MED27: variants seen among roughly 807,000 people sequenced by gnomAD.
MED27 encodes mediator complex subunit 27, also known as mediator of RNA polymerase II transcription subunit 27.
In MED27, 30 loss-of-function variants were observed where a neutral mutation model predicts 38.2. The ratio of observed to expected loss-of-function variants is 0.79; its 90% CI spans 0.59 to 1.07. The LOEUF (loss-of-function observed/expected upper bound fraction) is 1.07, where lower values mean the gene tolerates loss of function less well. Among genes scored for constraint, MED27 ranks in the 50% least tolerant of loss-of-function variants. The pLI, the probability that MED27 is intolerant of heterozygous loss-of-function variation, is 0.00. For synonymous variants in MED27, 122 were observed against 153.5 expected (o/e 0.79, Z 1.52); for missense variants, 289 against 397.5 (o/e 0.73, Z 2.32).
chr9:131,860,333 G>T lies in MED27; in HGVS notation c.*205C>A. 3.8e-6 allele frequency: 2 copies of T among 522,614 alleles called. No individual in the cohort carries two copies. Among genetic ancestry groups the T allele is most frequent in the Non-Finnish European group, 6.3e-6 (2 of 317,738 alleles). The allele number at this position is 522,614 out of a possible 1,614,324, so 32.4% of individuals were successfully genotyped here. On this transcript the variant is annotated 3_prime_UTR_variant, in exon 8 of 8. Transcript: ENST00000292035. This position sits in a 1 kb window ranked among gnomAD's most constrained non-coding sequence, Gnocchi z 5.8. ...GAAAGGTCTTCTTTGCCTTCAGTCCGCTGGCTAGTGGGAATAATTAGTCCC... is the reference window on the plus strand; with the variant it reads ...GAAAGGTCTTCTTTGCCTTCAGTCCTCTGGCTAGTGGGAATAATTAGTCCC...
rs1181315654 is a variant in MED27, at chr9:131,997,644, C to T, written c.479+16693G>A. 6.6e-6 allele frequency among the ~76,000 whole-genome samples: 1 copy of T among 152,218 alleles called. No individual in the cohort carries two copies. The highest frequency in any genetic ancestry group is 1.5e-5 in the Non-Finnish European group (1 of 68,044). On this transcript the variant is annotated intron_variant, in intron 3 of 7. Transcript: ENST00000292035. This position sits in a 1 kb window ranked among gnomAD's most constrained non-coding sequence, Gnocchi z 4.0. Reference sequence around the variant, plus strand: ...CCCAATTCCAACTCAACCTCTGCTTCCTGAGAACCTAATCCTCTGCCTTGT... The same window carrying T: ...CCCAATTCCAACTCAACCTCTGCTTTCTGAGAACCTAATCCTCTGCCTTGT...
intron 2 of MED27, among the ~76,000 whole-genome samples, chr9:132,015,435 G>A (rs1832580217): frequency 6.6e-6 from 1 of 152,180 alleles, no homozygotes; most frequent in Non-Finnish European, 1.5e-5. Flanking sequence ...TTGGGAAAGA[G>A]AAATGATACT....
chr9:131,910,689 G>T (rs948118940), intron 4 of MED27, among the ~76,000 whole-genome samples: 1 of 152,092 alleles, frequency 6.6e-6, no homozygotes. Context: ...AAACAACACC[G>T]GCTAAGGTCA....
chr9:131,957,177 CT>C (rs754325559), intron 3 of MED27, among the ~76,000 whole-genome samples: 1 of 152,114 alleles, frequency 6.6e-6, no homozygotes, highest in Non-Finnish European at 1.5e-5. Context: ...AAGAATTCCA[CT>C]CCTAGATATT....
chr9:132,024,859 G>A (rs1048610266), intron 2 of MED27, among the ~76,000 whole-genome samples: 9 of 152,180 alleles, frequency 5.9e-5, no homozygotes, highest in African/African-American at 2.2e-4. Flanking sequence ...CCAGAAAGTT[G>A]GCTCAAGCTT....
rs1450299311 is a variant in MED27 at position 131,889,934 on chromosome 9, G to GCGTCC, written c.681+3946_681+3950dup. Among the ~76,000 whole-genome samples, 2 of 152,176 alleles carry GCGTCC rather than the reference G, an allele frequency of 1.3e-5. No individual in the cohort carries two copies. Among genetic ancestry groups the GCGTCC allele is most frequent in the Non-Finnish European group, 2.9e-5 (2 of 68,038 alleles). ...GGCACCAACTCAGCAAACGCAGGCT[G>GCGTCC]CGTCCCGGGAGCAGCGACGTCTCCA... On this transcript the variant is annotated intron_variant, in intron 5 of 7. Transcript: ENST00000292035. The surrounding 1 kb of genome is among the most constrained non-coding windows in gnomAD (Gnocchi z 4.2).
intron 1 of MED27, among the ~76,000 whole-genome samples, chr9:132,077,903 T>C (rs753980854): frequency 7.2e-5 from 11 of 152,170 alleles, no homozygotes; most frequent in Non-Finnish European, 1.5e-4. Flanking sequence ...GGAGACTTTC[T>C]GGAATTTTGA....
chr9:132,017,835 C>T (rs1189691864), intron 2 of MED27, among the ~76,000 whole-genome samples: 1 of 152,190 alleles, frequency 6.6e-6, no homozygotes, highest in Non-Finnish European at 1.5e-5. Context: ...TACTAATTAC[C>T]TCTATACCTG....
chr9:131,995,199 G>A (rs1389377450), intron 3 of MED27, among the ~76,000 whole-genome samples: 5 of 152,050 alleles, frequency 3.3e-5, no homozygotes, highest in African/African-American at 7.3e-5. Context: ...GAGGGGACAC[G>A]AAGGGTGGAA....
Position 131,883,292 on chromosome 9 carries a change from G to A in MED27, c.723+766C>T, listed in dbSNP as rs1197947730. On this transcript the variant is annotated intron_variant, in intron 6 of 7. Transcript: ENST00000292035. The surrounding 1 kb of genome is among the most constrained non-coding windows in gnomAD (Gnocchi z 4.2). ...AAGATGGATGAGAACAGAAGAAGCC[G>A]GCTGCTGCCCTGCAGGGAGCTGGCC... Among the ~76,000 whole-genome samples, 1 of 152,154 alleles carries A rather than the reference G, an allele frequency of 6.6e-6. No homozygotes were observed. Among genetic ancestry groups the A allele is most frequent in the Non-Finnish European group, 1.5e-5 (1 of 68,028 alleles).
At chr9:132,030,773 C>T (rs1196034270) in intron 2 of MED27, among the ~76,000 whole-genome samples, 2 of 152,200 alleles carry the variant, frequency 1.3e-5, no homozygotes, top group Admixed American at 6.5e-5. Context: ...CTGTTGAACA[C>T]GGCAGAATGA....
At chr9:131,946,409 G>A (rs1029456126) in intron 3 of MED27, among the ~76,000 whole-genome samples, 2 of 152,058 alleles carry the variant, frequency 1.3e-5, no homozygotes, top group African/African-American at 2.4e-5. Flanking sequence ...TTGCCAACAC[G>A]TATCTTTTGT....
intron 5 of MED27, among the ~76,000 whole-genome samples, chr9:131,892,443 TC>T (rs1489250630): frequency 1.3e-5 from 2 of 152,194 alleles, no homozygotes; most frequent in Non-Finnish European, 2.9e-5. Context: ...AAATTTCCAC[TC>T]CTTCTTATGA....
chr9:131,871,176 C>T (rs765977500), intron 6 of MED27, among the ~76,000 whole-genome samples: 111 of 152,282 alleles, frequency 7.3e-4, no homozygotes, highest in Non-Finnish European at 1.2e-3. Context: ...ATTCGGTGCT[C>T]ACCCTACCAT....
intron 4 of MED27, among the ~76,000 whole-genome samples, chr9:131,927,074 T>C (rs997532075): frequency 3.3e-5 from 5 of 152,240 alleles, no homozygotes; most frequent in Admixed American, 2.0e-4. Context: ...AATGGGATGT[T>C]AGGCGGTAGA....
At chr9:131,903,837 C>T (rs1829999054) in intron 4 of MED27, among the ~76,000 whole-genome samples, 1 of 152,002 alleles carries the variant, frequency 6.6e-6, no homozygotes, top group Admixed American at 6.5e-5. Flanking sequence ...AAGTGATCCT[C>T]CTGCCTCAGC....
At chr9:131,878,519 G>A (rs750080091) in intron 6 of MED27, among the ~76,000 whole-genome samples, 3 of 152,004 alleles carry the variant, frequency 2.0e-5, no homozygotes, top group Non-Finnish European at 2.9e-5. Flanking sequence ...CCTTACCTCT[G>A]ATGAGAAAGC....
At chr9:132,079,049 C>T (rs960207829) in intron 1 of MED27, among the ~76,000 whole-genome samples, 1 of 152,272 alleles carries the variant, frequency 6.6e-6, no homozygotes, top group African/African-American at 2.4e-5. Flanking sequence ...GAGAGTAGGT[C>T]TCTACTGCGG....
intron 2 of MED27, among the ~76,000 whole-genome samples, chr9:132,042,731 A>G (rs564465035): frequency 1.2e-3 from 182 of 152,334 alleles, no homozygotes; most frequent in Non-Finnish European, 2.1e-3. Flanking sequence ...TGTGACCTGA[A>G]TGTTGATGTG....
Sources: gnomAD v4.1 joint callset for allele counts (sites outside exome capture counted in the v4.1 genomes callset) on GRCh38, gnomAD v4.1.1 for gene constraint, Gnocchi (gnomAD v3.1) non-coding constraint, MANE v1.5 for transcripts, NCBI Gene and HGNC (gene_info 2026-07-23, HGNC 2026-07-21) for gene names.